CLIC6: variants seen among roughly 807,000 people sequenced by gnomAD.
The protein encoded by CLIC6 is CLIC family member 6.
CLIC6 carries 39 observed loss-of-function variants against 49.2 expected under a neutral mutation model. The ratio of observed to expected loss-of-function variants is 0.79; its 90% confidence interval spans 0.61 to 1.04. The LOEUF (loss-of-function observed/expected upper bound fraction) is 1.04, where lower values mean the gene tolerates loss of function less well. Ranked by LOEUF, CLIC6 falls within the 50% of genes least tolerant of loss-of-function variation. The pLI, the probability that CLIC6 is intolerant of heterozygous loss-of-function variation, is 0.00. For synonymous variants in CLIC6, 446 were observed against 433.4 expected, an observed-to-expected ratio of 1.03 and a Z score of -0.36; for missense variants, 988 against 993.1, an observed-to-expected ratio of 0.99 and a Z score of 0.07.
At chr21:34,701,963 G>A (rs1019972400) in intron 1 of CLIC6, among the ~76,000 whole-genome samples, 7 of 152,028 alleles carry the variant, frequency 4.6e-5, no homozygotes, top group African/African-American at 1.7e-4. Flanking sequence ...TGTGACTCTC[G>A]GTGGGTGATC....
At chr21:34,675,975 C>T (rs1989663255) in intron 1 of CLIC6, among the ~76,000 whole-genome samples, 1 of 151,938 alleles carries the variant, frequency 6.6e-6, no homozygotes, top group Non-Finnish European at 1.5e-5. Flanking sequence ...CTGCCATGTG[C>T]ACACATCACA....
Position 34,669,908 on chromosome 21 carries a change from G to A in CLIC6, c.520G>A (p.Gly174Ser), listed in dbSNP as rs537252722. Reference protein sequence around the residue: ...GPLGDNIEAEGPAGDSVEAEG... With the variant: ...GPLGDNIEAESPAGDSVEAEG... Reference sequence around the variant, plus strand: ...GCTGGGGGACAACATAGAAGCGGAGGGCCCGGCGGGCGACAGCGTAGAGGC... The same window carrying A: ...GCTGGGGGACAACATAGAAGCGGAGAGCCCGGCGGGCGACAGCGTAGAGGC... Residue 174 changes from glycine to serine, a missense_variant, in exon 1 of 6, where the codon GGC becomes AGC. Physicochemically the swap from Gly to Ser is moderately conservative, Grantham distance 56 (BLOSUM62 0). Around this residue, in one of 3 missense-constraint regions of CLIC6, gnomAD observed 284 missense variants for 278.6 expected, o/e 1.02. Coordinates refer to ENST00000349499, the MANE Select transcript of CLIC6 (RefSeq NM_053277.3). The A allele has an allele frequency of 4.7e-4, 624 of 1,322,298 alleles. 2 individuals are homozygous for A. In the African/African-American group the frequency reaches 8.5e-3, roughly 18 times the overall value. 81.9% of individuals were successfully genotyped at this position (1,322,298 alleles called of 1,614,324 possible). A position where few individuals can be genotyped will look rare whatever the true frequency, so the allele number is the denominator to read the frequency against.
chr21:34,706,531 G>A (rs746905730), intron 1 of CLIC6, among the ~76,000 whole-genome samples: 5 of 152,084 alleles, frequency 3.3e-5, no homozygotes, highest in African/African-American at 9.7e-5. Context: ...TGTAGCCACC[G>A]TGCAGATCAA....
intron 5 of CLIC6, among the ~76,000 whole-genome samples, chr21:34,710,675 TG>T (rs2056050457): frequency 6.6e-6 from 1 of 152,060 alleles, no homozygotes; most frequent in Non-Finnish European, 1.5e-5. Flanking sequence ...TAGCCAGGTG[TG>T]GTGGCGGGCA....
intron 5 of CLIC6, 80 bp from the exon 6 acceptor site, chr21:34,716,241 C>A (rs1010014644): frequency 8.3e-7 from 1 of 1,198,146 alleles, no homozygotes; most frequent in Non-Finnish European, 1.2e-6. Context: ...TATTGCATGC[C>A]TCAGAAGAAT....
chr21:34,707,192 C>G (rs2056020174), intron 1 of CLIC6, 88 bp from the exon 2 acceptor site: 4 of 1,003,124 alleles, frequency 4.0e-6, no homozygotes, highest in Non-Finnish European at 6.4e-6. Context: ...TCTTATCAAC[C>G]TGCAATGATT....
intron 1 of CLIC6, among the ~76,000 whole-genome samples, chr21:34,704,213 A>C (rs2055999006): frequency 6.6e-6 from 1 of 152,168 alleles, no homozygotes; most frequent in Admixed American, 6.5e-5. Context: ...AATGAATATG[A>C]CCAAGGCCAT....
chr21:34,697,643 T>C (rs374853178), intron 1 of CLIC6, among the ~76,000 whole-genome samples: 2 of 152,316 alleles, frequency 1.3e-5, no homozygotes, highest in East Asian at 3.9e-4. Flanking sequence ...TGACCAATAA[T>C]CCCAGCTTGC....
At position 34,670,732 on chromosome 21, in the gene CLIC6, G is replaced by A. The variant is rs932594285; in HGVS notation, c.1344G>A (p.Gly448=). 1.2e-6 allele frequency: 2 copies of A among 1,600,150 alleles called. No individual in the cohort carries two copies. The highest frequency in any genetic ancestry group is 1.3e-5 in the African/African-American group (1 of 74,736). Residue 448 remains glycine, a synonymous_variant, in exon 1 of 6, where the codon GGG becomes GGA. Transcript: ENST00000349499. ...DGEASEPRAL[G]QEHDITLFVK... ...AGGCGTCCGAGCCCCGGGCCCTGGG[G>A]CAGGAGCACGACATCACCCTCTTCG...
rs1470782125 is a variant in CLIC6, at chr21:34,706,112, TG to T, written c.1375-1166del. 41 of 664,618 alleles carry T rather than the reference TG, an allele frequency of 6.2e-5. No homozygotes were observed. In the East Asian group the frequency reaches 1.1e-3, roughly 18 times the overall value. The allele number at this position is 664,618 out of a possible 1,614,324, so 41.2% of individuals were successfully genotyped here. ...AATTTATAAAGAAAAGAGGCTGAAT[TG>T]GCTCAAATGCTGCAGGCTTTGTAGG... is the stretch of plus-strand genomic sequence containing the variant. On this transcript the variant is annotated intron_variant, in intron 1 of 5. Transcript: ENST00000349499.
At chr21:34,711,232 T>G (rs1302406780) in intron 5 of CLIC6, among the ~76,000 whole-genome samples, 2 of 152,260 alleles carry the variant, frequency 1.3e-5, no homozygotes, top group Admixed American at 6.5e-5. Context: ...AGTTAGCATT[T>G]AGAAATTACA....
chr21:34,702,073 G>C (rs896751308), intron 1 of CLIC6, among the ~76,000 whole-genome samples: 1 of 152,126 alleles, frequency 6.6e-6, no homozygotes, highest in Non-Finnish European at 1.5e-5. Context: ...CACTTTCTAC[G>C]GGGGACCCGG....
At chr21:34,694,018 G>A (rs1990047081) in intron 1 of CLIC6, among the ~76,000 whole-genome samples, 1 of 149,566 alleles carries the variant, frequency 6.7e-6, no homozygotes, top group African/African-American at 2.5e-5. Flanking sequence ...TGTCGCCCAG[G>A]CTGGAGTGCA....
intron 1 of CLIC6, among the ~76,000 whole-genome samples, chr21:34,672,740 A>C (rs1210524509): frequency 3.3e-5 from 5 of 152,194 alleles, no homozygotes; most frequent in African/African-American, 1.2e-4. Context: ...CTGGGATCAA[A>C]TCTTGGCTTT....
chr21:34,684,496 T>A (rs929857209), intron 1 of CLIC6, among the ~76,000 whole-genome samples: 2 of 152,260 alleles, frequency 1.3e-5, no homozygotes, highest in African/African-American at 2.4e-5. Context: ...ATGACAGCCA[T>A]GTAGAAATAG....
At chr21:34,683,450 A>G (rs1269471138) in intron 1 of CLIC6, among the ~76,000 whole-genome samples, 1 of 152,218 alleles carries the variant, frequency 6.6e-6, no homozygotes, top group East Asian at 1.9e-4. Flanking sequence ...ATTGACCAAA[A>G]TTTATAGAGA....
Position 34,707,284 on chromosome 21 carries a change from G to A in CLIC6, c.1379G>A (p.Gly460Asp), listed in dbSNP as rs753522849. 1 of 1,612,946 alleles carries A rather than the reference G, an allele frequency of 6.2e-7. No individual in the cohort carries two copies. The highest frequency in any genetic ancestry group is 8.5e-7 in the Non-Finnish European group (1 of 1,178,876). Residue 460 changes from glycine to aspartate, a missense_variant, in exon 2 of 6, where the codon GGT becomes GAT. Transcript: ENST00000349499. ...AATCTCCTTCTCCACTTGTAGGCTGGTTATGATGGTGAGAGTATCGGAAAT... is the reference window on the plus strand; with the variant it reads ...AATCTCCTTCTCCACTTGTAGGCTGATTATGATGGTGAGAGTATCGGAAAT... ...EHDITLFVKA[G>D]YDGESIGNCP... is the part of the protein sequence containing the mutation.
intron 1 of CLIC6, among the ~76,000 whole-genome samples, chr21:34,684,711 T>C (rs1289782372): frequency 6.6e-6 from 1 of 152,184 alleles, no homozygotes; most frequent in Non-Finnish European, 1.5e-5. Flanking sequence ...CTTTCTACGG[T>C]AGGAGACTAC....
intron 1 of CLIC6, among the ~76,000 whole-genome samples, chr21:34,687,921 A>T (rs1279675120): frequency 6.6e-6 from 1 of 152,206 alleles, no homozygotes; most frequent in Non-Finnish European, 1.5e-5. Flanking sequence ...GCCTGGAATG[A>T]GGAATCTGGC....
Sources: allele counts gnomAD v4.1 joint callset (sites outside exome capture counted in the v4.1 genomes callset), GRCh38; gene constraint gnomAD v4.1.1; regional missense constraint gnomAD v4.1.1; transcripts MANE v1.5; gene names NCBI Gene and HGNC (gene_info 2026-07-23, HGNC 2026-07-21).